OR2L13: variants seen among roughly 807,000 people sequenced by gnomAD.
OR2L13 encodes the protein olfactory receptor family 2 subfamily L member 13, also known as olfactory receptor 2L13.
OR2L13 carries 14 observed loss-of-function variants against 15.3 expected under a neutral mutation model. That is an observed-to-expected ratio of 0.91 (90% CI 0.60 to 1.43). The LOEUF (loss-of-function observed/expected upper bound fraction) is 1.43, where lower values mean the gene tolerates loss of function less well. Ranked by LOEUF, OR2L13 falls within the 40% of genes most tolerant of loss-of-function variation. The pLI is 0.00. For missense variants in OR2L13, 367 were observed against 387.9 expected (o/e 0.95, Z 0.45); for synonymous variants, 152 against 142.9 (o/e 1.06, Z -0.45).
the OR2L13 span, among the ~76,000 whole-genome samples, chr1:248,019,471 T>A: frequency 6.6e-6 from 1 of 152,286 alleles, no homozygotes; most frequent in Admixed American, 6.5e-5. Flanking sequence ...AGAACTTCAT[T>A]TTGGCACTGA....
the OR2L13 span, among the ~76,000 whole-genome samples, chr1:248,017,221 A>G: frequency 6.6e-6 from 1 of 152,220 alleles, no homozygotes; most frequent in Non-Finnish European, 1.5e-5. Flanking sequence ...TTTACAGCTA[A>G]TTCTGTGGAT....
the OR2L13 span, among the ~76,000 whole-genome samples, chr1:248,086,831 A>G: frequency 6.6e-6 from 1 of 151,486 alleles, no homozygotes; most frequent in East Asian, 1.9e-4. Context: ...TAAAATATAT[A>G]TCTTTTTATT....
chr1:247,990,190 C>A, the OR2L13 span: 1 of 590,060 alleles, frequency 1.7e-6, no homozygotes, highest in Non-Finnish European at 3.1e-6. Context: ...TGAAATGCAT[C>A]CCCTGCAGAT....
chr1:247,942,114 G>A, the OR2L13 span, among the ~76,000 whole-genome samples: 1 of 152,146 alleles, frequency 6.6e-6, no homozygotes, highest in Non-Finnish European at 1.5e-5. Context: ...GCCCAGACTG[G>A]TCTCAAACTC....
chr1:248,076,522 T>C, the OR2L13 span, among the ~76,000 whole-genome samples: 1 of 152,204 alleles, frequency 6.6e-6, no homozygotes, highest in South Asian at 2.1e-4. Context: ...TTTATTTCAT[T>C]GAGCAGTGGT....
the OR2L13 span, among the ~76,000 whole-genome samples, chr1:248,015,361 T>G: frequency 6.6e-6 from 1 of 152,172 alleles, no homozygotes; most frequent in Non-Finnish European, 1.5e-5. Flanking sequence ...TCCTTGCCTA[T>G]ACTCCGGAGG....
chr1:248,021,819 G>A, the OR2L13 span: 1 of 653,930 alleles, frequency 1.5e-6, no homozygotes, highest in Admixed American at 2.8e-5. Context: ...GTGTATATAG[G>A]GTTCAGTGTC....
At chr1:248,010,656 A>G in the OR2L13 span, among the ~76,000 whole-genome samples, 1,490 of 148,704 alleles carry the variant, frequency 0.01, 28 homozygotes, top group African/African-American at 0.035. Context: ...TTCTTGTTGT[A>G]TTGATCCCTT....
At chr1:248,038,770 G>T in the OR2L13 span, 1 of 1,614,130 alleles carries the variant, frequency 6.2e-7, no homozygotes, top group Admixed American at 1.7e-5. Flanking sequence ...ATCCCATATT[G>T]CAAGTCCAGA....
the OR2L13 span, among the ~76,000 whole-genome samples, chr1:248,016,787 A>G: frequency 6.6e-6 from 1 of 151,988 alleles, no homozygotes; most frequent in East Asian, 1.9e-4. Flanking sequence ...AAACTTATGT[A>G]TGTATGTGTG....
upstream of OR2L13, among the ~76,000 whole-genome samples, chr1:248,096,931 G>C (rs1235109560): frequency 6.6e-6 from 1 of 152,176 alleles, no homozygotes; most frequent in Non-Finnish European, 1.5e-5. Context: ...ACTCTTTCTT[G>C]AGCTAGGTAA....
the OR2L13 span, among the ~76,000 whole-genome samples, chr1:248,012,700 A>G: frequency 6.6e-6 from 1 of 152,152 alleles, no homozygotes; most frequent in South Asian, 2.1e-4. Flanking sequence ...TTTGCTAGTA[A>G]TATACACTAC....
At chr1:248,096,550 C>T (rs1160114320), upstream of OR2L13, among the ~76,000 whole-genome samples, 2 of 152,156 alleles carry the variant, frequency 1.3e-5, no homozygotes, top group South Asian at 2.1e-4. Flanking sequence ...GGGCAAAGGA[C>T]AGTGACAATT....
At chr1:247,987,577 G>A in the OR2L13 span, among the ~76,000 whole-genome samples, 17 of 152,170 alleles carry the variant, frequency 1.1e-4, no homozygotes, top group East Asian at 7.7e-4. Flanking sequence ...TCCACAGTCC[G>A]CAGGCTAAAA....
chr1:247,969,473 G>A, the OR2L13 span, among the ~76,000 whole-genome samples: 1 of 152,120 alleles, frequency 6.6e-6, no homozygotes, highest in African/African-American at 2.4e-5. Context: ...GCTCTTTCTT[G>A]ACACATTGGT....
the OR2L13 span, chr1:248,003,709 C>G: frequency 7.4e-6 from 12 of 1,613,254 alleles, no homozygotes; most frequent in South Asian, 1.1e-5. Flanking sequence ...ACACCTGGGT[C>G]TATGAGGGCA....
the OR2L13 span, chr1:247,965,182 A>G: frequency 5.2e-6 from 3 of 580,950 alleles, no homozygotes; most frequent in African/African-American, 5.8e-5. Flanking sequence ...TTTGCATCCC[A>G]GTAACAGTAT....
the OR2L13 span, among the ~76,000 whole-genome samples, chr1:248,070,426 A>G: frequency 2.0e-5 from 3 of 152,202 alleles, no homozygotes; most frequent in Non-Finnish European, 2.9e-5. Context: ...TTTGAAAACA[A>G]CAAGAACAAA....
chr1:248,083,784 A>G, the OR2L13 span: 1 of 1,613,884 alleles, frequency 6.2e-7, no homozygotes, highest in Non-Finnish European at 8.5e-7. Context: ...GGCTGACACA[A>G]CCTTGTCGTG....
Sources: gnomAD v4.1 joint callset for allele counts (sites outside exome capture counted in the v4.1 genomes callset) on GRCh38, gnomAD v4.1.1 for gene constraint, MANE v1.5 for transcripts, NCBI Gene and HGNC (gene_info 2026-07-23, HGNC 2026-07-21) for gene names.